Variants in ANKHD1 observed in about 807,000 individuals in gnomAD.
ANKHD1 encodes the protein ankyrin repeat and KH domain-containing protein 1.
In ANKHD1, 31 loss-of-function variants were observed where a neutral mutation model predicts 230.5. The ratio of observed to expected loss-of-function variants is 0.13; its 90% CI spans 0.10 to 0.18. The LOEUF (loss-of-function observed/expected upper bound fraction) is 0.18, where lower values mean the gene tolerates loss of function less well. ANKHD1 is among the 10% of genes least tolerant of loss of function. The pLI is 1.00. For synonymous variants in ANKHD1, 1,074 were observed against 1,117.6 expected (o/e 0.96, Z 0.78); for missense variants, 2,256 against 3,071.3 (o/e 0.73, Z 6.27).
chr5:140,438,011 C>T (rs1440060786), intron 2 of ANKHD1, among the ~76,000 whole-genome samples: 1 of 151,248 alleles, frequency 6.6e-6, no homozygotes, highest in Non-Finnish European at 1.5e-5. Flanking sequence ...AAAATGTTGC[C>T]CCAGAAGATG....
At position 140,537,554 on chromosome 5, in the gene ANKHD1, G is replaced by A; in HGVS notation, c.7193G>A (p.Ser2398Asn). 1.9e-6 allele frequency: 3 copies of A among 1,603,508 alleles called. No homozygotes were observed. The highest frequency in any genetic ancestry group is 8.5e-7 in the Non-Finnish European group (1 of 1,174,712). ...GTSFVAPVGHSGIWSFGVNAV... is the reference protein window; with the variant it reads ...GTSFVAPVGHNGIWSFGVNAV... ...AGTTTTGTCGCTCCCGTTGGACACA[G>A]TGGAATCTGGTCATTTGGTGTCAAT... Residue 2398 changes from serine (S) to asparagine (N), a missense_variant, in exon 31 of 34, where the codon AGT becomes AAT. Physicochemically the swap from Ser to Asn is conservative, Grantham distance 46. This residue lies in a region of ANKHD1 where 778 missense variants were observed against 966.5 expected (regional missense o/e 0.80). Coordinates refer to ENST00000360839, the MANE Select transcript of ANKHD1 (RefSeq NM_017747.3).
At chr5:140,429,641 A>G (rs1316213647) in intron 1 of ANKHD1, among the ~76,000 whole-genome samples, 2 of 152,154 alleles carry the variant, frequency 1.3e-5, no homozygotes, top group Non-Finnish European at 2.9e-5. Context: ...TGTAATGTAC[A>G]TGTTTTATGA....
chr5:140,503,824 C>T (rs1752424853), intron 15 of ANKHD1, among the ~76,000 whole-genome samples: 2 of 151,852 alleles, frequency 1.3e-5, no homozygotes, highest in Admixed American at 1.3e-4. Flanking sequence ...GATCTGCCCA[C>T]CTCAGCCTCC....
At chr5:140,533,800 C>T (rs1024991703) in intron 29 of ANKHD1, among the ~76,000 whole-genome samples, 4 of 107,540 alleles carry the variant, frequency 3.7e-5, no homozygotes, top group Admixed American at 3.7e-4. Context: ...AAAAAAAAAA[C>T]AAGAAGTTAT....
intron 6 of ANKHD1, among the ~76,000 whole-genome samples, chr5:140,447,760 T>C (rs1774405194): frequency 6.6e-6 from 1 of 152,192 alleles, no homozygotes; most frequent in South Asian, 2.1e-4. Context: ...AAAACCAAGA[T>C]GATAGCTAGG....
chr5:140,418,093 C>A (rs547055787), intron 1 of ANKHD1, among the ~76,000 whole-genome samples: 1 of 151,314 alleles, frequency 6.6e-6, no homozygotes, highest in Non-Finnish European at 1.5e-5. Context: ...CTGCCCTCCT[C>A]GGCCTCCCAA....
At position 140,528,680 on chromosome 5, in the gene ANKHD1, C is replaced by T. The variant is rs374406265; in HGVS notation, c.5734C>T (p.Arg1912Cys). The T allele has an allele frequency of 6.2e-6, 10 of 1,614,034 alleles. No individual in the cohort carries two copies. The highest frequency in any genetic ancestry group is 1.7e-5 in the Admixed American group (1 of 59,994). The stretch of plus-strand genomic sequence containing the variant: ...CTCTCCAAAGCATAATAACACAAGC[C>T]GTCTACCTAACCAGAACGGGACTGT... ...NSSPKHNNTS[R>C]LPNQNGTVLP... Residue 1912 changes from arginine to cysteine, a missense_variant, in exon 29 of 34, where the codon CGT (arginine) becomes TGT (cysteine). Physicochemically the swap from Arg to Cys is radical, Grantham distance 180 (BLOSUM62 -3). Transcript: ENST00000360839.
At chr5:140,516,894 T>G (rs1179971227) in intron 24 of ANKHD1, among the ~76,000 whole-genome samples, 1 of 151,200 alleles carries the variant, frequency 6.6e-6, no homozygotes, top group Admixed American at 6.6e-5. Context: ...ACGAGCAAAA[T>G]AAACAGCTAA....
Position 140,402,131 on chromosome 5 carries a change from G to A in ANKHD1, c.164G>A (p.Gly55Glu). Reference protein sequence around the residue: ...RLFGEAGPASGVGSSGGGGSG... With the variant: ...RLFGEAGPASEVGSSGGGGSG... ...TTTGGGGAGGCCGGGCCAGCGTCGGGAGTCGGCAGCAGCGGCGGCGGCGGC... is the reference window on the plus strand; with the variant it reads ...TTTGGGGAGGCCGGGCCAGCGTCGGAAGTCGGCAGCAGCGGCGGCGGCGGC... Residue 55 changes from glycine (G) to glutamate (E), a missense_variant, in exon 1 of 34, where the codon GGA becomes GAA. This residue lies in a region of ANKHD1 where 193 missense variants were observed against 185.8 expected (regional missense o/e 1.04). Transcript: ENST00000360839. 1 of 1,546,660 alleles carries A rather than the reference G, an allele frequency of 6.5e-7. No individual in the cohort carries two copies. The highest frequency in any genetic ancestry group is 1.9e-5 in the Admixed American group (1 of 52,124).
intron 1 of ANKHD1, among the ~76,000 whole-genome samples, chr5:140,407,295 CAAAAAAAA>C (rs372650696): frequency 1.2e-4 from 15 of 120,514 alleles, no homozygotes; most frequent in African/African-American, 4.8e-4. Flanking sequence ...ACTCCATCTC[CAAAAAAAA>C]AAAAAAAACC....
chr5:140,418,654 T>C (rs918742553), intron 1 of ANKHD1, among the ~76,000 whole-genome samples: 7 of 152,198 alleles, frequency 4.6e-5, no homozygotes, highest in Non-Finnish European at 8.8e-5. Flanking sequence ...TCATATAATA[T>C]GTGGTTATTT....
chr5:140,507,100 C>T lies in ANKHD1; in HGVS notation c.3551+123C>T, dbSNP rs866513919. 10 of 1,353,020 alleles carry T rather than the reference C, an allele frequency of 7.4e-6. No individual in the cohort carries two copies. The highest frequency in any genetic ancestry group is 2.4e-5 in the East Asian group (1 of 42,398). 83.8% of individuals were successfully genotyped at this position (1,353,020 alleles called of 1,614,324 possible). A position where few individuals can be genotyped will look rare whatever the true frequency, so the allele number is the denominator to read the frequency against. On this transcript the variant is annotated intron_variant, in intron 19 of 33. Transcript: ENST00000360839. The surrounding 1 kb of genome is among the most constrained non-coding windows in gnomAD (Gnocchi z 4.1). ...GATAGTACTAAAGTTGCAAAGCCAA[C>T]GATTATACCTATAATGTGTTTGTTT...
intron 24 of ANKHD1, among the ~76,000 whole-genome samples, chr5:140,520,531 A>G (rs916302757): frequency 1.3e-5 from 2 of 151,948 alleles, no homozygotes; most frequent in Non-Finnish European, 2.9e-5. Flanking sequence ...AACCAACCCA[A>G]ATGTCCAGCA....
At chr5:140,449,137 A>G (rs1290913713) in intron 6 of ANKHD1, 74 bp from the exon 7 acceptor site, 1 of 1,444,234 alleles carries the variant, frequency 6.9e-7, no homozygotes, top group Non-Finnish European at 9.4e-7. Flanking sequence ...TCTGAAGAAA[A>G]AGATTCCATA....
At chr5:140,463,687 G>T (rs868534873) in intron 9 of ANKHD1, among the ~76,000 whole-genome samples, 1 of 152,024 alleles carries the variant, frequency 6.6e-6, no homozygotes, top group Non-Finnish European at 1.5e-5. Flanking sequence ...ACAGAGTCTT[G>T]CTCTGTTGCC....
intron 10 of ANKHD1, among the ~76,000 whole-genome samples, chr5:140,478,715 G>A (rs1751099015): frequency 6.6e-6 from 1 of 152,034 alleles, no homozygotes. Flanking sequence ...TGCAGTCTTG[G>A]CTCACTGCAA....
At chr5:140,410,800 T>A (rs1427192426) in intron 1 of ANKHD1, among the ~76,000 whole-genome samples, 1 of 152,166 alleles carries the variant, frequency 6.6e-6, no homozygotes, top group Non-Finnish European at 1.5e-5. Flanking sequence ...ACTAGATACT[T>A]TCGTTATTTT....
chr5:140,513,445 C>G lies in ANKHD1; in HGVS notation c.4283C>G (p.Ala1428Gly). Reference protein sequence around the residue: ...DQQAAEANKNASILLKELDLE... With the variant: ...DQQAAEANKNGSILLKELDLE... ...CAAGCTGCAGAAGCAAATAAGAATG[C>G]GAGTATTCTTTTAAAGGAACTTGAT... Residue 1428 changes from alanine (A) to glycine (G), a missense_variant, in exon 24 of 34, where the codon GCG becomes GGG. Around this residue, in one of 13 missense-constraint regions of ANKHD1, gnomAD observed 195 missense variants for 340.3 expected, o/e 0.57. Transcript: ENST00000360839. 1 of 1,612,552 alleles carries G rather than the reference C, an allele frequency of 6.2e-7. No individual in the cohort carries two copies.
rs1028606903 is a variant in ANKHD1 at position 140,473,466 on chromosome 5, G to A, written c.1782+8690G>A. ...TTTAAATTTTTTTTTTTTGAGACAG[G>A]GTCTCACTCTGTTGCTCAGGCTGGA... is the stretch of plus-strand genomic sequence containing the variant. On this transcript the variant is annotated intron_variant, in intron 10 of 33. Coordinates refer to ENST00000360839, the MANE Select transcript of ANKHD1 (RefSeq NM_017747.3). Among the ~76,000 whole-genome samples the A allele has an allele frequency of 2.0e-5, 3 of 150,808 alleles. No individual in the cohort carries two copies. The South Asian group carries it at 6.3e-4, about 32-fold the overall frequency.
Sources: allele counts gnomAD v4.1 joint callset (sites outside exome capture counted in the v4.1 genomes callset), GRCh38; gene constraint gnomAD v4.1.1; regional missense constraint gnomAD v4.1.1; non-coding constraint Gnocchi (gnomAD v3.1); transcripts MANE v1.5; gene names NCBI Gene and HGNC (gene_info 2026-07-23, HGNC 2026-07-21).